Variants in LNPK observed in about 807,000 individuals in gnomAD.
LNPK encodes endoplasmic reticulum junction formation protein lunapark.
A neutral mutation model predicts 55.2 loss-of-function variants in LNPK; 29 were observed. That is an observed-to-expected ratio of 0.53 (90% CI 0.39 to 0.72). The LOEUF is 0.72. Among genes scored for constraint, LNPK ranks in the 30% least tolerant of loss-of-function variants. The pLI is 0.00. For synonymous variants in LNPK, 162 were observed against 168.2 expected (o/e 0.96, Z 0.29); for missense variants, 467 against 494.8 (o/e 0.94, Z 0.53).
intron 9 of LNPK, among the ~76,000 whole-genome samples, chr2:175,943,399 A>G (rs1436123271): frequency 6.6e-6 from 1 of 151,986 alleles, no homozygotes; most frequent in African/African-American, 2.4e-5. Context: ...ATGAAATGAA[A>G]CCGACATAAC....
chr2:175,963,443 AC>A (rs1686166392), intron 8 of LNPK, among the ~76,000 whole-genome samples: 1 of 152,108 alleles, frequency 6.6e-6, no homozygotes, highest in African/African-American at 2.4e-5. Context: ...TTCTCAGTAA[AC>A]TATCACAAGA....
At chr2:176,002,346 C>A (rs1688204674), upstream of LNPK, 1 of 416,502 alleles carries the variant, frequency 2.4e-6, no homozygotes, top group South Asian at 1.7e-5. Context: ...GCGCGCCGCT[C>A]CCCCGTCACG....
chr2:175,934,168 A>G (rs753506194), intron 12 of LNPK, among the ~76,000 whole-genome samples: 1 of 152,236 alleles, frequency 6.6e-6, no homozygotes, highest in Non-Finnish European at 1.5e-5. Flanking sequence ...AAGGCTGCAC[A>G]TAAGTAAATA....
At chr2:175,946,177 A>C (rs1350424425) in intron 9 of LNPK, among the ~76,000 whole-genome samples, 1 of 152,164 alleles carries the variant, frequency 6.6e-6, no homozygotes, top group African/African-American at 2.4e-5. Flanking sequence ...TTACATGTGC[A>C]ATACAATTTT....
chr2:176,001,973 C>G (rs1162409961), intron 1 of LNPK, among the ~76,000 whole-genome samples, 187 bp downstream of exon 1: 1 of 152,210 alleles, frequency 6.6e-6, no homozygotes, highest in Non-Finnish European at 1.5e-5. Context: ...AGGCGGCGAG[C>G]CTGGGTCTGC....
chr2:175,949,862 T>C (rs776695844), intron 8 of LNPK, among the ~76,000 whole-genome samples: 14 of 152,116 alleles, frequency 9.2e-5, no homozygotes, highest in Non-Finnish European at 1.8e-4. Flanking sequence ...CAAATCTGTA[T>C]TTGTCAAACT....
rs746742918 is a variant in LNPK at position 175,993,150 on chromosome 2, G to A, written c.69+32C>T. The A allele has an allele frequency of 2.4e-5, 32 of 1,353,004 alleles. No homozygotes were observed. The African/African-American group carries it at 3.7e-4, about 16-fold the overall frequency. The allele number at this position is 1,353,004 out of a possible 1,614,324, so 83.8% of individuals were successfully genotyped here. ...ATAATATTTACTTAATACCTAAAAT[G>A]AATTAAAATACCTCACAGCCAAAGA... On this transcript the variant is annotated intron_variant, in intron 3 of 12. Coordinates refer to ENST00000272748, the MANE Select transcript of LNPK (RefSeq NM_030650.3).
intron 9 of LNPK, chr2:175,941,017 G>A (rs775809795): frequency 1.3e-5 from 6 of 453,310 alleles, no homozygotes; most frequent in South Asian, 6.2e-5. Flanking sequence ...AGAGGTCGAG[G>A]TAGACAGATC....
intron 2 of LNPK, chr2:175,994,341 T>C (rs1435187351): frequency 1.1e-5 from 11 of 983,894 alleles, no homozygotes; most frequent in African/African-American, 1.7e-5. Flanking sequence ...TATTATAAGG[T>C]CATAACAGGG....
chr2:175,997,705 C>CTGTGTG (rs35147185), intron 1 of LNPK, among the ~76,000 whole-genome samples: 3,106 of 144,072 alleles, frequency 0.022, 48 homozygotes, highest in Middle Eastern at 0.035. Context: ...AACAAATGCT[C>CTGTGTG]TGTGTGTGTG....
intron 5 of LNPK, among the ~76,000 whole-genome samples, chr2:175,972,915 A>G (rs1385120635): frequency 6.6e-6 from 1 of 152,240 alleles, no homozygotes; most frequent in African/African-American, 2.4e-5. Context: ...TTAGAAACAC[A>G]GAAATTTCCT....
chr2:175,936,213 T>C (rs1684538958), intron 12 of LNPK, among the ~76,000 whole-genome samples: 1 of 152,164 alleles, frequency 6.6e-6, no homozygotes. Flanking sequence ...GCCTCTGTCA[T>C]AGCTATCTGT....
At chr2:175,992,538 G>C in intron 3 of LNPK, 120 bp from the exon 4 acceptor site, 1 of 578,894 alleles carries the variant, frequency 1.7e-6, no homozygotes, top group Non-Finnish European at 2.9e-6. Context: ...GTTCAGTAAA[G>C]CATAATATTC....
chr2:175,932,836 G>T (rs143487483), intron 12 of LNPK, among the ~76,000 whole-genome samples: 114 of 152,208 alleles, frequency 7.5e-4, no homozygotes, highest in African/African-American at 2.6e-3. Context: ...TGAAGTTGTA[G>T]TTTAAAACAG....
chr2:175,938,085 G>C (rs1467167538), intron 11 of LNPK, among the ~76,000 whole-genome samples: 1 of 152,116 alleles, frequency 6.6e-6, no homozygotes, highest in African/African-American at 2.4e-5. Flanking sequence ...TTGGGTGATT[G>C]TGATGCACAG....
chr2:175,940,298 T>C (rs1010935345), intron 9 of LNPK, among the ~76,000 whole-genome samples: 3 of 151,502 alleles, frequency 2.0e-5, no homozygotes, highest in Non-Finnish European at 1.5e-5. Context: ...CCAAGGCATA[T>C]TGAGTTCACA....
At chr2:175,942,536 G>A (rs755410817) in intron 9 of LNPK, among the ~76,000 whole-genome samples, 2 of 151,796 alleles carry the variant, frequency 1.3e-5, no homozygotes, top group Non-Finnish European at 2.9e-5. Context: ...ATAAACATCT[G>A]AAAAATCTCC....
rs534571604 is a variant in LNPK at position 175,939,471 on chromosome 2, A to G, written c.812+81T>C. On this transcript the variant is annotated intron_variant, in intron 10 of 12. Transcript: ENST00000272748. Reference sequence around the variant, plus strand: ...TCTAAAGTCAGAAAATAGGTGCCACAAAACTAAAACATCTAGTGTGTACAC... The same window carrying G: ...TCTAAAGTCAGAAAATAGGTGCCACGAAACTAAAACATCTAGTGTGTACAC... The G allele has an allele frequency of 5.8e-5, 38 of 654,386 alleles. No individual in the cohort carries two copies. In the African/African-American group the frequency reaches 6.6e-4, roughly 11 times the overall value. The allele number at this position is 654,386 out of a possible 1,614,324, so 40.5% of individuals were successfully genotyped here.
intron 2 of LNPK, chr2:175,994,364 T>G (rs1687838565): frequency 1.8e-5 from 18 of 980,002 alleles, no homozygotes; most frequent in Non-Finnish European, 2.2e-5. Context: ...AATATAATGC[T>G]GATCCAAAAC....
Sources: allele counts gnomAD v4.1 joint callset (sites outside exome capture counted in the v4.1 genomes callset), GRCh38; gene constraint gnomAD v4.1.1; transcripts MANE v1.5; gene names NCBI Gene and HGNC (gene_info 2026-07-23, HGNC 2026-07-21).